The following PLEKHM3 variants were observed in gnomAD, a reference collection of about 807,000 sequenced individuals.
PLEKHM3 encodes the protein pleckstrin homology domain containing M3, also known as pleckstrin homology domain-containing family M member 3.
PLEKHM3 carries 45 observed loss-of-function variants against 81.8 expected under a neutral mutation model. That is an observed-to-expected ratio of 0.55 (90% CI 0.43 to 0.71). The LOEUF is 0.71. Ranked by LOEUF, PLEKHM3 falls within the 30% of genes least tolerant of loss-of-function variation. The pLI is 0.00. For synonymous variants in PLEKHM3, 352 were observed against 356.4 expected (o/e 0.99, Z 0.14); for missense variants, 788 against 924.3 (o/e 0.85, Z 1.91).
At chr2:208,023,914 G>C (rs10176955) in intron 1 of PLEKHM3, among the ~76,000 whole-genome samples, 4 of 151,894 alleles carry the variant, frequency 2.6e-5, no homozygotes, top group Admixed American at 6.6e-5. Context: ...TGCCAGGTAC[G>C]GTTCTAAGCC....
At chr2:207,907,856 C>T (rs774071617) in intron 6 of PLEKHM3, among the ~76,000 whole-genome samples, 2 of 152,196 alleles carry the variant, frequency 1.3e-5, no homozygotes, top group Non-Finnish European at 2.9e-5. Flanking sequence ...CTTCGCTCTC[C>T]CCAGGCCCTG....
intron 4 of PLEKHM3, 125 bp downstream of exon 4, chr2:207,946,242 C>T: frequency 9.1e-7 from 1 of 1,099,840 alleles, no homozygotes; most frequent in Non-Finnish European, 1.3e-6. Flanking sequence ...TAAGGTCTTG[C>T]AGCTTTTATG....
At chr2:207,866,594 G>C (rs2092502321) in intron 6 of PLEKHM3, among the ~76,000 whole-genome samples, 1 of 152,174 alleles carries the variant, frequency 6.6e-6, no homozygotes, top group South Asian at 2.1e-4. Context: ...TATGCAAGTG[G>C]ATTCCATATT....
At chr2:207,955,018 G>A (rs1690456642) in intron 3 of PLEKHM3, among the ~76,000 whole-genome samples, 1 of 152,126 alleles carries the variant, frequency 6.6e-6, no homozygotes, top group South Asian at 2.1e-4. Context: ...TATCTTGAAA[G>A]GCAATAAATC....
intron 6 of PLEKHM3, among the ~76,000 whole-genome samples, chr2:207,884,993 C>T (rs746065069): frequency 2.0e-5 from 3 of 152,100 alleles, no homozygotes; most frequent in African/African-American, 4.8e-5. Context: ...GTTGGGTAGA[C>T]GAAGCTGAGA....
chr2:207,920,827 C>G (rs577990093), intron 5 of PLEKHM3, among the ~76,000 whole-genome samples: 3 of 152,258 alleles, frequency 2.0e-5, no homozygotes, highest in Admixed American at 1.3e-4. Flanking sequence ...CTGGCAAATG[C>G]TGACCTGGAG....
chr2:207,973,340 AT>A (rs1691189452), intron 3 of PLEKHM3, among the ~76,000 whole-genome samples: 1 of 152,238 alleles, frequency 6.6e-6, no homozygotes, highest in Non-Finnish European at 1.5e-5. Context: ...CTCCCAGGTA[AT>A]TTAAAAAACA....
At chr2:207,834,022 C>G (rs1472283587) in intron 7 of PLEKHM3, among the ~76,000 whole-genome samples, 1 of 152,116 alleles carries the variant, frequency 6.6e-6, no homozygotes, top group Non-Finnish European at 1.5e-5. Flanking sequence ...TGCTTTTGCA[C>G]CAACCTAAAT....
intron 4 of PLEKHM3, among the ~76,000 whole-genome samples, chr2:207,935,561 T>C (rs1689723791): frequency 6.6e-6 from 1 of 152,164 alleles, no homozygotes; most frequent in South Asian, 2.1e-4. Flanking sequence ...CGAAAGAATT[T>C]GGTAATGCTC....
At chr2:207,998,024 T>A (rs1011486819) in intron 2 of PLEKHM3, among the ~76,000 whole-genome samples, 2 of 152,182 alleles carry the variant, frequency 1.3e-5, no homozygotes, top group African/African-American at 4.8e-5. Context: ...GGCCTCAGAA[T>A]AGGTGATCAG....
At chr2:207,958,281 C>T (rs1690590766) in intron 3 of PLEKHM3, among the ~76,000 whole-genome samples, 1 of 152,054 alleles carries the variant, frequency 6.6e-6, no homozygotes, top group Non-Finnish European at 1.5e-5. Context: ...ACATCTGCTC[C>T]AAGCTTGGCT....
At chr2:207,920,521 AGTCC>A (rs1689144407) in intron 5 of PLEKHM3, among the ~76,000 whole-genome samples, 1 of 152,208 alleles carries the variant, frequency 6.6e-6, no homozygotes, top group East Asian at 1.9e-4. Context: ...CTGAAAAGCT[AGTCC>A]AAACAGCTGG....
chr2:207,944,639 G>C (rs886304068), intron 4 of PLEKHM3, among the ~76,000 whole-genome samples: 2 of 152,172 alleles, frequency 1.3e-5, no homozygotes, highest in African/African-American at 4.8e-5. Flanking sequence ...TCTGATGAAA[G>C]CTACTGATAT....
At chr2:207,894,274 T>A (rs1688151231) in intron 6 of PLEKHM3, among the ~76,000 whole-genome samples, 1 of 152,180 alleles carries the variant, frequency 6.6e-6, no homozygotes, top group South Asian at 2.1e-4. Context: ...GTCATTGGTG[T>A]AGACAGAATA....
In PLEKHM3 at chr2:208,012,164, C is replaced by T. The variant is rs183295724; in HGVS notation, c.-318-10207G>A. 9.3e-4 allele frequency among the ~76,000 whole-genome samples: 141 copies of T among 152,266 alleles called. 1 individual carries two copies. Among genetic ancestry groups the T allele is most frequent in the Non-Finnish European group, 1.2e-3 (81 of 68,022 alleles). Reference sequence around the variant, plus strand: ...TCACACCATTCTCCTGCCTCAGCCTCCCGAGTAGCTGGGACTACAGGTGCC... The same window carrying T: ...TCACACCATTCTCCTGCCTCAGCCTTCCGAGTAGCTGGGACTACAGGTGCC... On this transcript the variant is annotated intron_variant, in intron 1 of 7. Transcript: ENST00000427836.
intron 1 of PLEKHM3, among the ~76,000 whole-genome samples, chr2:208,015,711 C>T (rs1177341392): frequency 2.6e-5 from 4 of 152,274 alleles, no homozygotes; most frequent in Middle Eastern, 3.4e-3. Flanking sequence ...GTCCTAATTG[C>T]CCAAGCCTTT....
chr2:207,866,208 T>G (rs1243521709), intron 6 of PLEKHM3, among the ~76,000 whole-genome samples: 2 of 152,110 alleles, frequency 1.3e-5, no homozygotes, highest in Non-Finnish European at 2.9e-5. Flanking sequence ...CAGGCTGGAG[T>G]GCAGTGGTGT....
At position 207,904,396 on chromosome 2, in the gene PLEKHM3, A is replaced by G. The variant is rs191193115; in HGVS notation, c.1950+4118T>C. On this transcript the variant is annotated intron_variant, in intron 6 of 7. Coordinates refer to ENST00000427836, the MANE Select transcript of PLEKHM3 (RefSeq NM_001080475.3). ...CTTATGCTTCTTCCTTGGCCCTGCT[A>G]CTAGGCCAGGTTTACTTGGCTCCAT... is the stretch of plus-strand genomic sequence containing the variant. Among the ~76,000 whole-genome samples, 5 of 152,268 alleles carry G rather than the reference A, an allele frequency of 3.3e-5. No homozygotes were observed. In the East Asian group the frequency reaches 9.7e-4, roughly 29 times the overall value.
At chr2:208,006,668 A>G (rs1262678754) in intron 1 of PLEKHM3, among the ~76,000 whole-genome samples, 3 of 152,178 alleles carry the variant, frequency 2.0e-5, no homozygotes, top group Non-Finnish European at 2.9e-5. Flanking sequence ...AGTGTTCCTC[A>G]TCTCTTCCTG....
Sources: gnomAD v4.1 joint callset for allele counts (sites outside exome capture counted in the v4.1 genomes callset) on GRCh38, gnomAD v4.1.1 for gene constraint, MANE v1.5 for transcripts, NCBI Gene and HGNC (gene_info 2026-07-23, HGNC 2026-07-21) for gene names.